The following LIN28B variants were observed in gnomAD, a reference collection of about 807,000 sequenced individuals.
The protein encoded by LIN28B is lin-28 RNA binding posttranscriptional regulator B, also known as protein lin-28 homolog B.
In LIN28B, 5 loss-of-function variants were observed where a neutral mutation model predicts 21.9. The ratio of observed to expected loss-of-function variants is 0.23; its 90% confidence interval spans 0.12 to 0.48. LIN28B has a LOEUF of 0.48. Among genes scored for constraint, LIN28B ranks in the 20% least tolerant of loss-of-function variants. The pLI is 0.98. For synonymous variants in LIN28B, 109 were observed against 111.3 expected, an observed-to-expected ratio of 0.98 and a Z score of 0.13; for missense variants, 245 against 310.5, an observed-to-expected ratio of 0.79 and a Z score of 1.58.
At chr6:104,987,783 C>A (rs772470301) in intron 2 of LIN28B, among the ~76,000 whole-genome samples, 41 of 152,088 alleles carry the variant, frequency 2.7e-4, no homozygotes, top group Admixed American at 1.0e-3. Flanking sequence ...CTTGCTCTGT[C>A]CCCCAGGGTG....
chr6:104,991,894 G>C (rs911097838), intron 2 of LIN28B, among the ~76,000 whole-genome samples: 1 of 152,068 alleles, frequency 6.6e-6, no homozygotes, highest in Non-Finnish European at 1.5e-5. Flanking sequence ...GCCTGCAATC[G>C]CAGGCACTCG....
At chr6:105,040,302 T>A (rs1771606565) in intron 3 of LIN28B, among the ~76,000 whole-genome samples, 1 of 152,152 alleles carries the variant, frequency 6.6e-6, no homozygotes, top group South Asian at 2.1e-4. Context: ...TTTTGTGTAC[T>A]TTCCTCTTTA....
rs575155718 is a variant in LIN28B, at chr6:105,082,895, A to G, written c.*4112A>G. 1.6e-4 allele frequency: 24 copies of G among 152,800 alleles called. No homozygotes were observed. The highest frequency in any genetic ancestry group is 4.6e-4 in the African/African-American group (19 of 41,592). 9.5% of individuals were successfully genotyped at this position (152,800 alleles called of 1,614,324 possible). A position where few individuals can be genotyped will look rare whatever the true frequency, so the allele number is the denominator to read the frequency against. ...GTTGACTACCTCTTGAATCACATCTATCAACCACTGGCACCTACCACCAAG... is the reference window on the plus strand; with the variant it reads ...GTTGACTACCTCTTGAATCACATCTGTCAACCACTGGCACCTACCACCAAG... On this transcript the variant is annotated 3_prime_UTR_variant, in exon 4 of 4. Transcript: ENST00000345080.
intron 3 of LIN28B, among the ~76,000 whole-genome samples, chr6:105,046,702 C>T (rs934013740): frequency 1.5e-4 from 23 of 152,064 alleles, no homozygotes; most frequent in African/African-American, 2.9e-4. Context: ...TTTTAATGAT[C>T]ACCATTCTAA....
intron 3 of LIN28B, among the ~76,000 whole-genome samples, chr6:105,061,417 A>G (rs759415722): frequency 1.3e-5 from 2 of 152,160 alleles, no homozygotes; most frequent in Non-Finnish European, 2.9e-5. Flanking sequence ...TATATATTGT[A>G]TCATTATTGG....
chr6:105,052,917 C>T (rs1253695355), intron 3 of LIN28B, among the ~76,000 whole-genome samples: 1 of 151,782 alleles, frequency 6.6e-6, no homozygotes, highest in East Asian at 1.9e-4. Context: ...ACTTTATTTA[C>T]TTTTGGTTTA....
intron 2 of LIN28B, among the ~76,000 whole-genome samples, chr6:105,000,923 A>G (rs1448266512): frequency 6.6e-6 from 1 of 152,204 alleles, no homozygotes; most frequent in Non-Finnish European, 1.5e-5. Context: ...TTGAACTCCA[A>G]TTCAGACAAC....
chr6:104,978,707 G>C (rs1770158474), intron 2 of LIN28B, among the ~76,000 whole-genome samples: 1 of 152,056 alleles, frequency 6.6e-6, no homozygotes, highest in Admixed American at 6.6e-5. Flanking sequence ...AAATTTAATG[G>C]AATAAAAGAC....
At chr6:105,015,351 A>G (rs1225817395) in intron 2 of LIN28B, among the ~76,000 whole-genome samples, 1 of 152,092 alleles carries the variant, frequency 6.6e-6, no homozygotes, top group Non-Finnish European at 1.5e-5. Flanking sequence ...CTGTAGCCTT[A>G]TTATTGTTTA....
intron 3 of LIN28B, among the ~76,000 whole-genome samples, chr6:105,034,024 GT>G (rs1239947310): frequency 1.3e-5 from 2 of 151,724 alleles, no homozygotes; most frequent in Non-Finnish European, 3.0e-5. Context: ...TTTATATATA[GT>G]TTAAATGTTT....
At chr6:104,974,775 C>T (rs955754676) in intron 2 of LIN28B, among the ~76,000 whole-genome samples, 4 of 151,624 alleles carry the variant, frequency 2.6e-5, no homozygotes, top group African/African-American at 9.7e-5. Context: ...TTGCATAAAA[C>T]TTACGTTTTA....
chr6:105,003,549 A>G (rs763999969), intron 2 of LIN28B, among the ~76,000 whole-genome samples: 5 of 151,506 alleles, frequency 3.3e-5, no homozygotes, highest in Non-Finnish European at 5.9e-5. Flanking sequence ...TTCTTGCTCT[A>G]TCAACCAGGC....
chr6:104,952,089 A>G (rs760144551), intron 3 of LIN28B, among the ~76,000 whole-genome samples: 5 of 152,178 alleles, frequency 3.3e-5, no homozygotes, highest in Non-Finnish European at 7.3e-5. Flanking sequence ...AATACCTGGG[A>G]GACAGTCCAC....
intron 2 of LIN28B, among the ~76,000 whole-genome samples, chr6:105,003,466 G>A (rs1770756311): frequency 6.6e-6 from 1 of 152,078 alleles, no homozygotes; most frequent in Admixed American, 6.6e-5. Context: ...AAACAGTGAG[G>A]TGAGATTAGA....
chr6:105,031,596 C>T (rs1400960052), intron 3 of LIN28B, among the ~76,000 whole-genome samples: 1 of 150,840 alleles, frequency 6.6e-6, no homozygotes, highest in Non-Finnish European at 1.5e-5. Flanking sequence ...TGCAGTGGCG[C>T]AGTCTTGGCT....
At chr6:105,076,119 T>A (rs923705769) in intron 3 of LIN28B, among the ~76,000 whole-genome samples, 34 of 152,356 alleles carry the variant, frequency 2.2e-4, no homozygotes, top group Non-Finnish European at 1.3e-4. Context: ...TATTTAATCT[T>A]ACACTCTCTT....
At chr6:104,992,516 T>TGTGTGTG (rs1562084946) in intron 2 of LIN28B, among the ~76,000 whole-genome samples, 20 of 45,446 alleles carry the variant, frequency 4.4e-4, no homozygotes, top group East Asian at 4.1e-3. Context: ...GTGTGTGTGT[T>TGTGTGTG]TTTTTTTTAA....
intron 2 of LIN28B, among the ~76,000 whole-genome samples, chr6:105,025,129 G>A (rs1291445364): frequency 1.3e-5 from 2 of 152,054 alleles, no homozygotes; most frequent in Non-Finnish European, 2.9e-5. Context: ...GAACAGAAAC[G>A]ACAGCAAATG....
At chr6:104,975,432 C>T (rs1770070361) in intron 2 of LIN28B, among the ~76,000 whole-genome samples, 2 of 152,100 alleles carry the variant, frequency 1.3e-5, no homozygotes, top group Non-Finnish European at 2.9e-5. Context: ...ACTACCAATC[C>T]CTAGGCATAG....
Sources: allele counts gnomAD v4.1 joint callset (sites outside exome capture counted in the v4.1 genomes callset), GRCh38; gene constraint gnomAD v4.1.1; transcripts MANE v1.5; gene names NCBI Gene and HGNC (gene_info 2026-07-23, HGNC 2026-07-21).